Variants in PELI2 observed in about 807,000 individuals in gnomAD.
The protein encoded by PELI2 is E3 ubiquitin-protein ligase pellino homolog 2.
Under a neutral mutation model 42.3 loss-of-function variants are expected in PELI2, and 23 were observed. The observed-to-expected ratio is 0.54, with a 90% CI of 0.39 to 0.77. The LOEUF (loss-of-function observed/expected upper bound fraction) is 0.77. Among genes scored for constraint, PELI2 ranks in the 30% least tolerant of loss-of-function variants. PELI2 has a pLI of 0.00. For synonymous variants in PELI2, 245 were observed against 212.2 expected (o/e 1.15, Z -1.34); for missense variants, 463 against 553.2 (o/e 0.84, Z 1.64).
intron 1 of PELI2, among the ~76,000 whole-genome samples, chr14:56,161,372 T>C (rs1884759494): frequency 6.6e-6 from 1 of 151,904 alleles, no homozygotes; most frequent in Non-Finnish European, 1.5e-5. Context: ...AGTGGCGTGA[T>C]CTCAGCTCAC....
intron 1 of PELI2, among the ~76,000 whole-genome samples, chr14:56,150,063 T>C (rs1884284814): frequency 6.6e-6 from 1 of 152,226 alleles, no homozygotes; most frequent in Non-Finnish European, 1.5e-5. Context: ...TTAATAACTT[T>C]AGTTATGCTT....
intron 2 of PELI2, among the ~76,000 whole-genome samples, chr14:56,277,469 T>C (rs1315926902): frequency 1.3e-5 from 2 of 152,026 alleles, no homozygotes; most frequent in African/African-American, 4.8e-5. Context: ...GGGCTCCCAC[T>C]GATTCAACAT....
At chr14:56,231,255 G>T (rs995167630) in intron 2 of PELI2, among the ~76,000 whole-genome samples, 3 of 152,116 alleles carry the variant, frequency 2.0e-5, no homozygotes, top group Admixed American at 6.5e-5. Flanking sequence ...GCACCAAGCA[G>T]ACCTAATAGA....
At chr14:56,212,684 G>C (rs1032812923) in intron 2 of PELI2, among the ~76,000 whole-genome samples, 3 of 152,230 alleles carry the variant, frequency 2.0e-5, no homozygotes, top group Admixed American at 1.3e-4. Context: ...AGCTCGTGTA[G>C]CAAGTGTCTG....
At chr14:56,262,745 C>G (rs1235225364) in intron 2 of PELI2, among the ~76,000 whole-genome samples, 2 of 152,116 alleles carry the variant, frequency 1.3e-5, no homozygotes, top group African/African-American at 4.8e-5. Flanking sequence ...ATCTAACTCT[C>G]TCCCCTGGCA....
At chr14:56,121,726 T>TTCC (rs967978676) in intron 1 of PELI2, among the ~76,000 whole-genome samples, 1 of 152,240 alleles carries the variant, frequency 6.6e-6, no homozygotes, top group Non-Finnish European at 1.5e-5. Flanking sequence ...TTTGGCTTAA[T>TTCC]TCCTCCTCCT....
rs2139670465 is a variant in PELI2 at position 56,180,165 on chromosome 14, G to A, written c.207+1701G>A. ...ATATTACCCACAGTACTAAAAGTAG[G>A]GCAGATTGGGTTTAGGTCTTGACCC... On this transcript the variant is annotated intron_variant, in intron 2 of 5. Transcript: ENST00000267460. The surrounding 1 kb of genome is among the most constrained non-coding windows in gnomAD (Gnocchi z 4.4). Among the ~76,000 whole-genome samples the A allele has an allele frequency of 6.6e-6, 1 of 152,156 alleles. No individual in the cohort carries two copies. The highest frequency in any genetic ancestry group is 2.1e-4 in the South Asian group (1 of 4,824).
At chr14:56,237,962 G>A (rs547658998) in intron 2 of PELI2, among the ~76,000 whole-genome samples, 2 of 151,528 alleles carry the variant, frequency 1.3e-5, no homozygotes, top group East Asian at 4.0e-4. Flanking sequence ...CTCGAATTAT[G>A]GACAGTATGT....
chr14:56,225,943 G>T (rs987421617), intron 2 of PELI2, among the ~76,000 whole-genome samples: 1 of 152,124 alleles, frequency 6.6e-6, no homozygotes, highest in African/African-American at 2.4e-5. Context: ...ATAATATACT[G>T]TGAAACCTGG....
chr14:56,214,500 C>A (rs1313871719), intron 2 of PELI2, among the ~76,000 whole-genome samples: 1 of 152,142 alleles, frequency 6.6e-6, no homozygotes, highest in African/African-American at 2.4e-5. Context: ...CTTCCTCTCC[C>A]AGCCCCTCTC....
chr14:56,161,928 A>G (rs1884778342), intron 1 of PELI2, among the ~76,000 whole-genome samples: 2 of 152,066 alleles, frequency 1.3e-5, no homozygotes, highest in African/African-American at 4.8e-5. Context: ...CAGAAATCAA[A>G]CCTACGTACT....
At chr14:56,246,404 C>A (rs115576820) in intron 2 of PELI2, among the ~76,000 whole-genome samples, 333 of 152,312 alleles carry the variant, frequency 2.2e-3, no homozygotes, top group African/African-American at 7.7e-3. Flanking sequence ...TTAATAACTA[C>A]TTAAGCTGCT....
At chr14:56,137,377 G>C (rs1883723184) in intron 1 of PELI2, among the ~76,000 whole-genome samples, 1 of 152,156 alleles carries the variant, frequency 6.6e-6, no homozygotes, top group African/African-American at 2.4e-5. Context: ...TGGAGGAAAA[G>C]AATGAAACCC....
chr14:56,244,667 T>G (rs747314469), intron 2 of PELI2, among the ~76,000 whole-genome samples: 4 of 152,182 alleles, frequency 2.6e-5, no homozygotes, highest in Non-Finnish European at 5.9e-5. Flanking sequence ...TGAATGTGTA[T>G]TTTCCACTGG....
chr14:56,140,008 T>C lies in PELI2; in HGVS notation c.77+21271T>C, dbSNP rs1239542999. 2.3e-5 allele frequency among the ~76,000 whole-genome samples: 3 copies of C among 129,560 alleles called. No individual in the cohort carries two copies. The South Asian group carries it at 7.6e-4, about 33-fold the overall frequency. 85.0% of individuals were successfully genotyped at this position (129,560 alleles called of 152,430 possible). A position where few individuals can be genotyped will look rare whatever the true frequency, so the allele number is the denominator to read the frequency against. ...ATGAATGATTAATTTATTCTGAAAA[T>C]GGACCTTTCCTCCTTCCCCCTTCTC... is the stretch of plus-strand genomic sequence containing the variant. On this transcript the variant is annotated intron_variant, in intron 1 of 5. Transcript: ENST00000267460.
At chr14:56,227,875 A>G (rs1024294325) in intron 2 of PELI2, among the ~76,000 whole-genome samples, 4 of 152,236 alleles carry the variant, frequency 2.6e-5, no homozygotes, top group African/African-American at 9.6e-5. Context: ...GCCAGATTGA[A>G]GGAGTTCCAC....
intron 2 of PELI2, among the ~76,000 whole-genome samples, chr14:56,251,139 A>G (rs997733606): frequency 3.4e-4 from 52 of 152,228 alleles, no homozygotes; most frequent in African/African-American, 1.3e-3. Context: ...AGTTCTCTGG[A>G]GAAGGGTTTG....
intron 2 of PELI2, among the ~76,000 whole-genome samples, chr14:56,274,966 G>C (rs757767560): frequency 1.3e-5 from 2 of 152,180 alleles, no homozygotes; most frequent in South Asian, 2.1e-4. Context: ...AGCTGAGAGT[G>C]TCACTACTGG....
At chr14:56,151,865 C>T (rs575277933) in intron 1 of PELI2, among the ~76,000 whole-genome samples, 14 of 152,262 alleles carry the variant, frequency 9.2e-5, no homozygotes, top group Non-Finnish European at 4.4e-5. Context: ...AACAAAGATA[C>T]CCCAATGACA....
Sources: allele counts gnomAD v4.1 joint callset (sites outside exome capture counted in the v4.1 genomes callset), GRCh38; gene constraint gnomAD v4.1.1; non-coding constraint Gnocchi (gnomAD v3.1); transcripts MANE v1.5; gene names NCBI Gene and HGNC (gene_info 2026-07-23, HGNC 2026-07-21).